Variants in ADAM32 observed in about 807,000 individuals in gnomAD.
ADAM32 encodes disintegrin and metalloproteinase domain-containing protein 32.
A neutral mutation model predicts 114.9 loss-of-function variants in ADAM32; 89 were observed. The ratio of observed to expected loss-of-function variants is 0.77; its 90% CI spans 0.65 to 0.92. The LOEUF (loss-of-function observed/expected upper bound fraction) is 0.92, where lower values mean the gene tolerates loss of function less well. Ranked by LOEUF, ADAM32 falls within the 40% of genes least tolerant of loss-of-function variation. The pLI, the probability that ADAM32 is intolerant of heterozygous loss-of-function variation, is 0.00. For synonymous variants in ADAM32, 285 were observed against 307.5 expected (o/e 0.93, Z 0.77); for missense variants, 870 against 932.8 (o/e 0.93, Z 0.88).
At chr8:39,254,603 C>G (rs1044032824) in intron 18 of ADAM32, 87 bp downstream of exon 18, 2 of 932,776 alleles carry the variant, frequency 2.1e-6, no homozygotes, top group Non-Finnish European at 3.1e-6. Context: ...TTTCCACTTA[C>G]AAGGCAACTG....
chr8:39,166,637 T>C (rs937684295), intron 9 of ADAM32: 2 of 152,234 alleles, frequency 1.3e-5, no homozygotes, highest in Non-Finnish European at 2.9e-5. Flanking sequence ...GTGGCTGTAC[T>C]AGTTTACATT....
intron 2 of ADAM32, among the ~76,000 whole-genome samples, 158 bp downstream of exon 2, chr8:39,118,323 A>T (rs1391566371): frequency 6.6e-6 from 1 of 152,128 alleles, no homozygotes; most frequent in African/African-American, 2.4e-5. Context: ...GCAAATAGGT[A>T]AATTAGAATG....
intron 2 of ADAM32, among the ~76,000 whole-genome samples, chr8:39,130,616 A>G (rs1802385410): frequency 6.6e-6 from 1 of 152,094 alleles, no homozygotes; most frequent in Admixed American, 6.5e-5. Context: ...ATTCAGTTAA[A>G]ATATTTTCTA....
Position 39,147,114 on chromosome 8 carries a change from C to CT in ADAM32, c.201-9dup. On this transcript the variant is annotated splice_polypyrimidine_tract_variant and intron_variant, in intron 3 of 24. Transcript: ENST00000379907. ...AAAAGAATAATTAAAAAAATTTCCT[C>CT]TTTTTTTATATTCAGATATTTTTTA... 3.2e-6 allele frequency: 3 copies of CT among 941,970 alleles called. No homozygotes were observed. The highest frequency in any genetic ancestry group is 3.7e-5 in the East Asian group (1 of 27,050). 58.4% of individuals were successfully genotyped at this position (941,970 alleles called of 1,614,324 possible). A position where few individuals can be genotyped will look rare whatever the true frequency, so the allele number is the denominator to read the frequency against.
At chr8:39,107,609 C>T (rs1839976649), upstream of ADAM32, 2 of 1,453,686 alleles carry the variant, frequency 1.4e-6, no homozygotes, top group South Asian at 2.8e-5. Context: ...GCTGCGGGCC[C>T]TTCGTGTTCC....
At chr8:39,265,270 T>A (rs572821622) in intron 19 of ADAM32, among the ~76,000 whole-genome samples, 1 of 152,308 alleles carries the variant, frequency 6.6e-6, no homozygotes, top group African/African-American at 2.4e-5. Flanking sequence ...TTGTCCTTTT[T>A]TATTGTTTTT....
chr8:39,220,791 A>G (rs1458067921), intron 12 of ADAM32: 1 of 151,902 alleles, frequency 6.6e-6, no homozygotes, highest in Admixed American at 6.6e-5. Context: ...TATGATTTTA[A>G]TTGTTTTTTG....
chr8:39,276,910 A>G (rs564443733), intron 22 of ADAM32, among the ~76,000 whole-genome samples: 58 of 152,288 alleles, frequency 3.8e-4, no homozygotes, highest in African/African-American at 1.3e-3. Flanking sequence ...AGCATTGTAT[A>G]GCTAGCATGT....
At chr8:39,221,233 C>G (rs1808938550) in intron 12 of ADAM32, 1 of 161,034 alleles carries the variant, frequency 6.2e-6, no homozygotes. Flanking sequence ...TATTCCTGCT[C>G]TTTTGTGTTT....
At position 39,221,622 on chromosome 8, in the gene ADAM32, G is replaced by A; in HGVS notation, c.1246G>A (p.Ala416Thr). The A allele has an allele frequency of 6.2e-7, 1 of 1,611,188 alleles. No homozygotes were observed. Among genetic ancestry groups the A allele is most frequent in the East Asian group, 2.2e-5 (1 of 44,722 alleles). ...DCGTEAQCGP[A>T]SCCDFRTCVL... ...CACTAATTCATAGCAATGTGGACCTGCAAGCTGTTGTGATTTTCGAACTTG... is the reference window on the plus strand; with the variant it reads ...CACTAATTCATAGCAATGTGGACCTACAAGCTGTTGTGATTTTCGAACTTG... Residue 416 changes from alanine (A) to threonine (T), a missense_variant, in exon 13 of 25, where the codon GCA (alanine) becomes ACA (threonine). Physicochemically the swap from Ala to Thr is moderately conservative, Grantham distance 58 (BLOSUM62 0). Transcript: ENST00000379907.
intron 16 of ADAM32, among the ~76,000 whole-genome samples, chr8:39,234,839 A>C (rs937901861): frequency 3.1e-4 from 47 of 152,344 alleles, no homozygotes; most frequent in African/African-American, 1.1e-3. Context: ...CCAGCCAGAG[A>C]TAAGAACTTA....
intron 12 of ADAM32, among the ~76,000 whole-genome samples, chr8:39,213,607 G>A (rs1808370693): frequency 6.6e-6 from 1 of 152,062 alleles, no homozygotes; most frequent in Non-Finnish European, 1.5e-5. Context: ...GGCATGCTAT[G>A]CATAATAATC....
intron 19 of ADAM32, among the ~76,000 whole-genome samples, chr8:39,269,556 G>A (rs1424108566): frequency 6.6e-6 from 1 of 151,976 alleles, no homozygotes; most frequent in Non-Finnish European, 1.5e-5. Flanking sequence ...TCTCTGTCCT[G>A]TTTTAGACTT....
At chr8:39,187,494 A>G (rs1347145233) in intron 11 of ADAM32, among the ~76,000 whole-genome samples, 1 of 151,974 alleles carries the variant, frequency 6.6e-6, no homozygotes, top group Non-Finnish European at 1.5e-5. Flanking sequence ...GATGGTCTCG[A>G]TCTCCTGACC....
At chr8:39,283,941 T>A (rs1813613887) in intron 24 of ADAM32, among the ~76,000 whole-genome samples, 1 of 151,970 alleles carries the variant, frequency 6.6e-6, no homozygotes, top group Non-Finnish European at 1.5e-5. Context: ...GCCCGCCTAA[T>A]TTTTGTATTT....
chr8:39,181,432 C>A (rs371337597), intron 10 of ADAM32, among the ~76,000 whole-genome samples: 1 of 152,266 alleles, frequency 6.6e-6, no homozygotes, highest in African/African-American at 2.4e-5. Flanking sequence ...TCAGAAGGAA[C>A]AAACTCCAGA....
intron 11 of ADAM32, among the ~76,000 whole-genome samples, chr8:39,210,466 G>T (rs1040094968): frequency 2.6e-5 from 4 of 152,164 alleles, no homozygotes; most frequent in African/African-American, 9.7e-5. Context: ...CCTACAGAGG[G>T]ATGATCACTG....
chr8:39,265,297 T>C (rs1316417753), intron 19 of ADAM32, among the ~76,000 whole-genome samples: 4 of 152,196 alleles, frequency 2.6e-5, no homozygotes, highest in Non-Finnish European at 5.9e-5. Context: ...AAGTTTGTTT[T>C]ATCTTAAATA....
At chr8:39,283,055 C>A (rs992598099) in intron 23 of ADAM32, among the ~76,000 whole-genome samples, 1 of 152,030 alleles carries the variant, frequency 6.6e-6, no homozygotes, top group African/African-American at 2.4e-5. Context: ...CATTCTTTTT[C>A]TCCCCCATTC....
Sources: gnomAD v4.1 joint callset for allele counts (sites outside exome capture counted in the v4.1 genomes callset) on GRCh38, gnomAD v4.1.1 for gene constraint, MANE v1.5 for transcripts, NCBI Gene and HGNC (gene_info 2026-07-23, HGNC 2026-07-21) for gene names.